The following ADGRB1 variants were observed in gnomAD, a reference collection of about 807,000 sequenced individuals.
The protein encoded by ADGRB1 is adhesion G protein-coupled receptor B1.
A neutral mutation model predicts 175.7 loss-of-function variants in ADGRB1; 36 were observed. The observed-to-expected ratio is 0.20, with a 90% CI of 0.16 to 0.27. ADGRB1 has a LOEUF of 0.27. Ranked by LOEUF, ADGRB1 falls within the 10% of genes least tolerant of loss-of-function variation. ADGRB1 has a pLI of 1.00. For missense variants in ADGRB1, 1,731 were observed against 2,255.3 expected, an observed-to-expected ratio of 0.77 and a Z score of 4.71; for synonymous variants, 1,054 against 979.4, an observed-to-expected ratio of 1.08 and a Z score of -1.42.
chr8:142,520,160 G>T (rs1843702195), intron 19 of ADGRB1, among the ~76,000 whole-genome samples: 1 of 130,014 alleles, frequency 7.7e-6, no homozygotes. Flanking sequence ...TGATGGTGGT[G>T]GTAGTGGTAG....
chr8:142,539,325 C>A (rs1334284156), intron 26 of ADGRB1, 49 bp from the exon 27 acceptor site: 2 of 1,549,860 alleles, frequency 1.3e-6, no homozygotes, highest in African/African-American at 1.4e-5. Context: ...CGTGCACACA[C>A]CCCCGCTCCC....
At chr8:142,497,461 G>A (rs1041831211) in intron 17 of ADGRB1, among the ~76,000 whole-genome samples, 16 of 152,142 alleles carry the variant, frequency 1.1e-4, no homozygotes, top group East Asian at 5.8e-4. Flanking sequence ...TCTCTCCCAC[G>A]CCGGCCGGTT....
chr8:142,512,444 G>A (rs1587380725), intron 18 of ADGRB1, among the ~76,000 whole-genome samples: 1 of 152,342 alleles, frequency 6.6e-6, no homozygotes, highest in South Asian at 2.1e-4. Context: ...GCAGGGCCCA[G>A]CCTCCAGTCT....
At chr8:142,522,372 A>G (rs1208847265) in intron 21 of ADGRB1, among the ~76,000 whole-genome samples, 1 of 152,200 alleles carries the variant, frequency 6.6e-6, no homozygotes, top group Non-Finnish European at 1.5e-5. Flanking sequence ...TTTGGGAGGT[A>G]CATTTACAAA....
Position 142,537,378 on chromosome 8 carries a change from G to A in ADGRB1, c.3666+296G>A. On this transcript the variant is annotated intron_variant, in intron 26 of 30. Transcript: ENST00000517894. This position sits in a 1 kb window ranked among gnomAD's most constrained non-coding sequence, Gnocchi z 4.6. ...CCCGTCTGGCTGGACACCACCCTCT[G>A]AGCATCCCAGCCCTCAACTCAAGGT... 6.6e-6 allele frequency among the ~76,000 whole-genome samples: 1 copy of A among 151,962 alleles called. No individual in the cohort carries two copies. The highest frequency in any genetic ancestry group is 1.5e-5 in the Non-Finnish European group (1 of 67,958).
rs1842050221 is a variant in ADGRB1, at chr8:142,492,931, C to CGCTGTT, written c.2675+2117_2675+2118insCTGTTG. Among the ~76,000 whole-genome samples, 1 of 151,976 alleles carries CGCTGTT rather than the reference C, an allele frequency of 6.6e-6. No individual in the cohort carries two copies. The highest frequency in any genetic ancestry group is 2.4e-5 in the African/African-American group (1 of 41,386). On this transcript the variant is annotated intron_variant, in intron 17 of 30. Coordinates refer to ENST00000517894, the MANE Select transcript of ADGRB1 (RefSeq NM_001702.3). The surrounding 1 kb of genome is among the most constrained non-coding windows in gnomAD (Gnocchi z 4.4). Reference sequence around the variant, plus strand: ...GAAACCCTCCATCCGGGCTGTTCGCCGGCCGCGGCAGCTCTCGGGGGGCTG... The same window carrying CGCTGTT: ...GAAACCCTCCATCCGGGCTGTTCGCCGCTGTTGGCCGCGGCAGCTCTCGGGGGGCTG...
chr8:142,524,386 C>A (rs1009517212), intron 23 of ADGRB1, 82 bp downstream of exon 23: 3 of 1,394,294 alleles, frequency 2.2e-6, no homozygotes, highest in African/African-American at 2.8e-5. Context: ...CTGTCTCATG[C>A]CCCAGGCTGT....
intron 1 of ADGRB1, among the ~76,000 whole-genome samples, chr8:142,454,447 G>A (rs1262033576): frequency 1.3e-5 from 2 of 152,188 alleles, no homozygotes; most frequent in African/African-American, 4.8e-5. Flanking sequence ...GCACACGGGT[G>A]CACACGGCAC....
At chr8:142,520,999 G>C (rs997397283) in intron 20 of ADGRB1, 74 bp downstream of exon 20, 4 of 1,419,276 alleles carry the variant, frequency 2.8e-6, no homozygotes, top group Non-Finnish European at 3.9e-6. Flanking sequence ...GGAGGGGCCT[G>C]GACCGTGGGA....
At position 142,475,650 on chromosome 8, in the gene ADGRB1, G is replaced by C; in HGVS notation, c.946+15G>C. On this transcript the variant is annotated intron_variant, in intron 3 of 30. Transcript: ENST00000517894. Reference sequence around the variant, plus strand: ...GGCCTGCGGCCGTGAGTGCGGGCGGGGCGGGGCGGAGCCGGAGCCCTGGAG... The same window carrying C: ...GGCCTGCGGCCGTGAGTGCGGGCGGCGCGGGGCGGAGCCGGAGCCCTGGAG... 8.2e-7 allele frequency: 1 copy of C among 1,226,952 alleles called. No individual in the cohort carries two copies. Among genetic ancestry groups the C allele is most frequent in the Non-Finnish European group, 1.0e-6 (1 of 984,510 alleles). 76.0% of individuals were successfully genotyped at this position (1,226,952 alleles called of 1,614,324 possible).
intron 13 of ADGRB1, among the ~76,000 whole-genome samples, chr8:142,485,492 A>AC (rs1374965842): frequency 2.0e-5 from 3 of 152,172 alleles, no homozygotes; most frequent in African/African-American, 7.2e-5. Context: ...GGAGTTTGAG[A>AC]CCAGCCTGGG....
At chr8:142,498,647 A>G (rs1169611695) in intron 17 of ADGRB1, among the ~76,000 whole-genome samples, 2 of 152,092 alleles carry the variant, frequency 1.3e-5, no homozygotes, top group Non-Finnish European at 2.9e-5. Flanking sequence ...CCCTCCTCCC[A>G]GTCCAGGGAG....
chr8:142,486,588 C>T (rs192050035), intron 13 of ADGRB1, among the ~76,000 whole-genome samples: 268 of 152,332 alleles, frequency 1.8e-3, no homozygotes, highest in African/African-American at 2.7e-3. Flanking sequence ...GTACTGCAGG[C>T]GGCATTCAGA....
chr8:142,468,474 G>A (rs962767038), intron 2 of ADGRB1, among the ~76,000 whole-genome samples: 4 of 152,194 alleles, frequency 2.6e-5, no homozygotes, highest in Admixed American at 6.5e-5. Context: ...CCCAGAGACA[G>A]TTCGGACCCT....
rs755920511 is a variant in ADGRB1, at chr8:142,538,750, C to T, written c.3667-624C>T. ...GTGGCTGCCTGAGGGTGGTGGGTGC[C>T]GGCCTTGGCCCTGAATTGCATGTTC... is the stretch of plus-strand genomic sequence containing the variant. On this transcript the variant is annotated intron_variant, in intron 26 of 30. Transcript: ENST00000517894. Among the ~76,000 whole-genome samples the T allele has an allele frequency of 2.2e-4, 34 of 152,274 alleles. No homozygotes were observed. The South Asian group carries it at 5.6e-3, about 25-fold the overall frequency.
At chr8:142,454,571 G>A (rs553216619) in intron 1 of ADGRB1, among the ~76,000 whole-genome samples, 2 of 152,300 alleles carry the variant, frequency 1.3e-5, no homozygotes. Flanking sequence ...TCCAGGGATG[G>A]GGCAGGGAGG....
chr8:142,500,159 G>C (rs534129220), intron 17 of ADGRB1, among the ~76,000 whole-genome samples: 11 of 151,842 alleles, frequency 7.2e-5, no homozygotes, highest in Admixed American at 2.0e-4. Context: ...GCCTGGGATC[G>C]GGGCAGGCAG....
intron 1 of ADGRB1, among the ~76,000 whole-genome samples, chr8:142,456,595 C>A (rs1839697648): frequency 6.6e-6 from 1 of 152,372 alleles, no homozygotes; most frequent in East Asian, 1.9e-4. Flanking sequence ...CACATATGTG[C>A]AGCACACACG....
Position 142,479,397 on chromosome 8 carries a change from G to A in ADGRB1, c.1636G>A (p.Glu546Lys). 6.5e-7 allele frequency: 1 copy of A among 1,535,914 alleles called. No homozygotes were observed. The highest frequency in any genetic ancestry group is 1.2e-5 in the South Asian group (1 of 80,902). ...VTCGAGSQRR[E>K]RVCSGPFFGG... ...GTGTGGGGCTGGCAGCCAGCGACGG[G>A]AGCGTGTCTGCTCTGGGCCCTTCTT... Residue 546 changes from glutamate (E) to lysine (K), a missense_variant, in exon 8 of 31, where the codon GAG becomes AAG. Physicochemically the swap from Glu to Lys is moderately conservative, Grantham distance 56. Coordinates refer to ENST00000517894, the MANE Select transcript of ADGRB1 (RefSeq NM_001702.3).
Sources: gnomAD v4.1 joint callset for allele counts (sites outside exome capture counted in the v4.1 genomes callset) on GRCh38, gnomAD v4.1.1 for gene constraint, Gnocchi (gnomAD v3.1) non-coding constraint, MANE v1.5 for transcripts, NCBI Gene and HGNC (gene_info 2026-07-23, HGNC 2026-07-21) for gene names.